SPECC1: variants seen among roughly 807,000 people sequenced by gnomAD.
SPECC1 encodes the protein sperm antigen with calponin homology and coiled-coil domains 1, also known as cytospin-B.
SPECC1 carries 62 observed loss-of-function variants against 104.1 expected under a neutral mutation model. The ratio of observed to expected loss-of-function variants is 0.60; its 90% CI spans 0.49 to 0.74. The LOEUF is 0.74. SPECC1 is among the 30% of genes least tolerant of loss of function. SPECC1 has a pLI of 0.00. For synonymous variants in SPECC1, 513 were observed against 501.6 expected (o/e 1.02, Z -0.30); for missense variants, 1,306 against 1,310.5 (o/e 1.00, Z 0.05).
chr17:20,260,217 G>A lies in SPECC1; in HGVS notation c.2863G>A (p.Ala955Thr). 6.2e-7 allele frequency: 1 copy of A among 1,613,820 alleles called. No individual in the cohort carries two copies. The highest frequency in any genetic ancestry group is 1.1e-5 in the South Asian group (1 of 91,040). Residue 955 changes from alanine (A) to threonine (T), a missense_variant, in exon 12 of 15, where the codon GCC becomes ACC. This residue lies in a region of SPECC1 where 129 missense variants were observed against 170.6 expected (regional missense o/e 0.76). Transcript: ENST00000395527. ...LSVERKDPLA[A>T]LAREYGGSKR... ...TGTGGAAAGAAAAGACCCTCTGGCAGCCTTGGCCCGGGAATACGGTGGTTC... is the reference window on the plus strand; with the variant it reads ...TGTGGAAAGAAAAGACCCTCTGGCAACCTTGGCCCGGGAATACGGTGGTTC...
intron 3 of SPECC1, chr17:20,126,572 T>TG (rs1413040027): frequency 2.0e-5 from 3 of 152,304 alleles, no homozygotes; most frequent in African/African-American, 7.2e-5. Context: ...TTAGCACTAA[T>TG]GGTTTTCAGT....
intron 13 of SPECC1, among the ~76,000 whole-genome samples, chr17:20,301,643 T>C (rs2041587227): frequency 6.6e-6 from 1 of 152,130 alleles, no homozygotes; most frequent in African/African-American, 2.4e-5. Flanking sequence ...TCTTCTATGA[T>C]AGTAAAGAGA....
At chr17:20,307,228 C>T (rs192481384) in intron 14 of SPECC1, among the ~76,000 whole-genome samples, 2 of 152,262 alleles carry the variant, frequency 1.3e-5, no homozygotes, top group Non-Finnish European at 1.5e-5. Flanking sequence ...ATGGAAAACC[C>T]AACCAGCAGT....
chr17:20,311,236 C>T (rs2041922641), intron 14 of SPECC1, among the ~76,000 whole-genome samples: 1 of 151,990 alleles, frequency 6.6e-6, no homozygotes, highest in Admixed American at 6.6e-5. Context: ...TTAGCTAAAC[C>T]TGCATGTAAA....
chr17:20,058,949 C>T (rs1018152777), intron 1 of SPECC1, among the ~76,000 whole-genome samples: 1 of 149,954 alleles, frequency 6.7e-6, no homozygotes, highest in African/African-American at 2.5e-5. Flanking sequence ...ACACCATTCT[C>T]CTGCCTCAGC....
Position 20,298,968 on chromosome 17 carries a change from TGTGTATGTAGAGAGAG to T in SPECC1, c.3057+1892_3057+1907del, listed in dbSNP as rs956678271. On this transcript the variant is annotated intron_variant, in intron 13 of 14. Coordinates refer to ENST00000395527, the MANE Select transcript of SPECC1 (RefSeq NM_001243439.2). ...GAGAGAGTGTGTGTGTGTGTGTGTG[TGTGTATGTAGAGAGAG>T]AGAGAGAGAGAGGTGGGGGCTGGGG... Among the ~76,000 whole-genome samples, 18 of 89,254 alleles carry T rather than the reference TGTGTATGTAGAGAGAG, an allele frequency of 2.0e-4. 1 individual carries two copies. Among genetic ancestry groups the T allele is most frequent in the African/African-American group, 7.3e-4 (16 of 22,028 alleles). The allele number at this position is 89,254 out of a possible 152,430, so 58.6% of individuals were successfully genotyped here. A position where few individuals can be genotyped will look rare whatever the true frequency, so the allele number is the denominator to read the frequency against.
chr17:20,198,381 C>A (rs1310347124), intron 3 of SPECC1, among the ~76,000 whole-genome samples: 1 of 152,168 alleles, frequency 6.6e-6, no homozygotes, highest in Admixed American at 6.5e-5. Flanking sequence ...CAGAGAAAGA[C>A]CCACCCATTG....
chr17:20,250,888 A>G (rs1396867271), intron 9 of SPECC1, among the ~76,000 whole-genome samples: 1 of 152,174 alleles, frequency 6.6e-6, no homozygotes, highest in Non-Finnish European at 1.5e-5. Context: ...GGTGGTTAAT[A>G]TTGAAGCCAA....
intron 9 of SPECC1, among the ~76,000 whole-genome samples, chr17:20,247,637 A>AT (rs1209461457): frequency 3.0e-4 from 45 of 152,338 alleles, no homozygotes; most frequent in African/African-American, 1.1e-3. Context: ...AAATTTTAAT[A>AT]TTTGCAGAAA....
At chr17:20,259,362 A>C (rs2039945753) in intron 11 of SPECC1, among the ~76,000 whole-genome samples, 1 of 152,232 alleles carries the variant, frequency 6.6e-6, no homozygotes, top group African/African-American at 2.4e-5. Context: ...ATGTATATGA[A>C]TATGCTATTG....
intron 1 of SPECC1, among the ~76,000 whole-genome samples, chr17:20,028,053 T>TA (rs1271952636): frequency 2.0e-5 from 3 of 152,266 alleles, no homozygotes; most frequent in African/African-American, 4.8e-5. Flanking sequence ...TCGTAACTCT[T>TA]ACGTTTAAGT....
At chr17:20,204,245 A>G in intron 3 of SPECC1, 88 bp from the exon 4 acceptor site, 1 of 1,464,430 alleles carries the variant, frequency 6.8e-7, no homozygotes, top group Non-Finnish European at 9.2e-7. Flanking sequence ...GCCACTGTCC[A>G]CTGTGCCATG....
At chr17:20,283,402 A>G (rs2040840326) in intron 12 of SPECC1, among the ~76,000 whole-genome samples, 1 of 152,248 alleles carries the variant, frequency 6.6e-6, no homozygotes, top group Non-Finnish European at 1.5e-5. Flanking sequence ...ACAGTGGATT[A>G]CAATAACATC....
intron 11 of SPECC1, among the ~76,000 whole-genome samples, chr17:20,257,866 T>G (rs1483055752): frequency 1.3e-5 from 2 of 152,184 alleles, no homozygotes; most frequent in Non-Finnish European, 2.9e-5. Context: ...TCAAGAAGTC[T>G]AGAGAGAAGT....
chr17:20,170,432 A>G (rs2033999831), intron 3 of SPECC1, among the ~76,000 whole-genome samples: 1 of 152,168 alleles, frequency 6.6e-6, no homozygotes, highest in Non-Finnish European at 1.5e-5. Flanking sequence ...TTATTTTAGT[A>G]CCACAAACTT....
intron 1 of SPECC1, among the ~76,000 whole-genome samples, chr17:20,068,839 T>G (rs1470157586): frequency 6.6e-6 from 1 of 152,232 alleles, no homozygotes; most frequent in Non-Finnish European, 1.5e-5. Flanking sequence ...CACTTTTCAG[T>G]TGGGTTATTT....
intron 3 of SPECC1, among the ~76,000 whole-genome samples, chr17:20,120,439 T>C (rs2048972350): frequency 6.6e-6 from 1 of 152,128 alleles, no homozygotes; most frequent in African/African-American, 2.4e-5. Context: ...TGTTAGAAAT[T>C]AGATGTTCAC....
At chr17:20,288,762 A>T (rs2041048471) in intron 12 of SPECC1, among the ~76,000 whole-genome samples, 1 of 145,928 alleles carries the variant, frequency 6.9e-6, no homozygotes, top group Admixed American at 6.9e-5. Flanking sequence ...CAGGAGGTGA[A>T]GGGCACTTCT....
At chr17:20,081,709 C>T (rs933399098) in intron 1 of SPECC1, among the ~76,000 whole-genome samples, 9 of 152,060 alleles carry the variant, frequency 5.9e-5, no homozygotes, top group South Asian at 2.1e-4. Context: ...GTAGAGCCCA[C>T]GGGTGCAGCG....
Sources: gnomAD v4.1 joint callset for allele counts (sites outside exome capture counted in the v4.1 genomes callset) on GRCh38, gnomAD v4.1.1 for gene constraint, gnomAD v4.1.1 regional missense constraint, MANE v1.5 for transcripts, NCBI Gene and HGNC (gene_info 2026-07-23, HGNC 2026-07-21) for gene names.